Variants in SLC37A1 observed in about 807,000 individuals in gnomAD.
SLC37A1 encodes solute carrier family 37 member 1.
In SLC37A1, 49 loss-of-function variants were observed where a neutral mutation model predicts 75.3. The observed-to-expected ratio is 0.65, with a 90% confidence interval of 0.52 to 0.83. The LOEUF (loss-of-function observed/expected upper bound fraction) is 0.83. Among genes scored for constraint, SLC37A1 ranks in the 40% least tolerant of loss-of-function variants. The pLI, the probability that SLC37A1 is intolerant of heterozygous loss-of-function variation, is 0.00. For missense variants in SLC37A1, 566 were observed against 695.0 expected (o/e 0.81, Z 2.09); for synonymous variants, 268 against 292.1 (o/e 0.92, Z 0.84).
chr21:42,505,993 T>A (rs1028314671), intron 2 of SLC37A1, among the ~76,000 whole-genome samples: 3 of 152,212 alleles, frequency 2.0e-5, no homozygotes, highest in Non-Finnish European at 4.4e-5. Flanking sequence ...TGGTTGAATG[T>A]TCCCCCATGT....
intron 2 of SLC37A1, among the ~76,000 whole-genome samples, chr21:42,523,088 G>A (rs1250415355): frequency 6.6e-6 from 1 of 152,234 alleles, no homozygotes; most frequent in African/African-American, 2.4e-5. Context: ...GGAGAGTGGA[G>A]ATGTGAACCC....
At chr21:42,539,370 A>C in intron 5 of SLC37A1, 142 bp from the exon 6 acceptor site, 2 of 1,029,366 alleles carry the variant, frequency 1.9e-6, no homozygotes, top group South Asian at 3.4e-5. Context: ...AAGTGTATGA[A>C]ATCTTCCTGG....
At chr21:42,529,592 A>G (rs988758192) in intron 3 of SLC37A1, among the ~76,000 whole-genome samples, 1 of 152,240 alleles carries the variant, frequency 6.6e-6, no homozygotes, top group Admixed American at 6.5e-5. Context: ...AAAGACATGA[A>G]TGTAAAATAC....
In SLC37A1 at chr21:42,517,439, A is replaced by G. The variant is rs376008483; in HGVS notation, c.-178-838A>G. Among the ~76,000 whole-genome samples the G allele has an allele frequency of 8.1e-4, 123 of 152,274 alleles. 2 individuals are homozygous for G. In the South Asian group the frequency reaches 0.023, roughly 28 times the overall value. ...CTCCTGGGACGAAAGCTCAGCAGGG[A>G]TTTTGAATCTTTTTGTAAAAGGTGG... On this transcript the variant is annotated intron_variant, in intron 1 of 19. Coordinates refer to ENST00000352133, the MANE Select transcript of SLC37A1 (RefSeq NM_001320537.2).
chr21:42,571,675 G>A (rs2056170037), intron 17 of SLC37A1, among the ~76,000 whole-genome samples: 1 of 151,468 alleles, frequency 6.6e-6, no homozygotes, highest in Admixed American at 6.6e-5. Flanking sequence ...CTTCCACCCC[G>A]ACATTGCCCA....
intron 18 of SLC37A1, 76 bp from the exon 19 acceptor site, chr21:42,579,660 T>G: frequency 6.5e-7 from 1 of 1,542,972 alleles, no homozygotes; most frequent in Non-Finnish European, 8.9e-7. Flanking sequence ...GCGGGCCAGG[T>G]CCTCATGGTG....
intron 3 of SLC37A1, among the ~76,000 whole-genome samples, chr21:42,530,634 ACACACACACACACACACACACC>A (rs772586442): frequency 0.26 from 18,194 of 68,936 alleles, 1,948 homozygotes; most frequent in African/African-American, 0.41. Flanking sequence ...ACACACACAC[ACACACACACACACACACACACC>A]CCCTCTGTGT....
At chr21:42,532,163 T>C (rs567881325) in intron 3 of SLC37A1, among the ~76,000 whole-genome samples, 5 of 152,238 alleles carry the variant, frequency 3.3e-5, no homozygotes, top group Non-Finnish European at 5.9e-5. Context: ...GAAGCCTATA[T>C]CCCTAACCAG....
At chr21:42,562,623 G>A (rs1021215194) in intron 12 of SLC37A1, among the ~76,000 whole-genome samples, 1 of 152,174 alleles carries the variant, frequency 6.6e-6, no homozygotes, top group Non-Finnish European at 1.5e-5. Flanking sequence ...CAGAAGCCCC[G>A]CAGTGGCTGC....
At chr21:42,535,642 G>A (rs182102759) in intron 5 of SLC37A1, 92 bp downstream of exon 5, 81 of 1,122,380 alleles carry the variant, frequency 7.2e-5, no homozygotes, top group East Asian at 4.3e-4. Flanking sequence ...ACAGGCGCGC[G>A]GGATTGAGGC....
At chr21:42,565,192 C>G (rs1273871267) in intron 14 of SLC37A1, among the ~76,000 whole-genome samples, 1 of 152,242 alleles carries the variant, frequency 6.6e-6, no homozygotes, top group African/African-American at 2.4e-5. Flanking sequence ...GGCTGTGACA[C>G]CCCCCTCTAT....
chr21:42,539,529 G>A lies in SLC37A1; in HGVS notation c.368G>A (p.Arg123His), dbSNP rs762431393. 86 of 1,612,524 alleles carry A rather than the reference G, an allele frequency of 5.3e-5. No individual in the cohort carries two copies. Among genetic ancestry groups the A allele is most frequent in the South Asian group, 4.8e-4 (44 of 90,874 alleles). ...GMYLSGIIGE[R>H]LPIRYYLTFG... ...CACCTCAGTGGCATCATTGGGGAGC[G>A]CCTGCCGATTAGGTATTACCTAACT... The change falls in exon 6 of 20, where the codon CGC becomes CAC. Residue 123 changes from arginine to histidine, a missense_variant. Arg to His is a conservative substitution (Grantham distance 29). Coordinates refer to ENST00000352133, the MANE Select transcript of SLC37A1 (RefSeq NM_001320537.2).
intron 1 of SLC37A1, among the ~76,000 whole-genome samples, chr21:42,515,642 TA>T (rs2054509848): frequency 6.6e-6 from 1 of 152,248 alleles, no homozygotes; most frequent in Non-Finnish European, 1.5e-5. Context: ...GAAATAGGTA[TA>T]AAACCATGTG....
chr21:42,525,937 A>T (rs958005081), intron 3 of SLC37A1, 80 bp downstream of exon 3: 1 of 1,033,620 alleles, frequency 9.7e-7, no homozygotes, highest in Non-Finnish European at 1.5e-6. Context: ...GAGGATGGGG[A>T]TGGTAGCAGG....
At chr21:42,537,713 C>A (rs1362210016) in intron 5 of SLC37A1, among the ~76,000 whole-genome samples, 1 of 152,200 alleles carries the variant, frequency 6.6e-6, no homozygotes, top group Non-Finnish European at 1.5e-5. Flanking sequence ...AAACTGGTTT[C>A]TTGTTGCTTA....
chr21:42,508,437 T>C (rs1445918285), intron 2 of SLC37A1, among the ~76,000 whole-genome samples: 1 of 152,180 alleles, frequency 6.6e-6, no homozygotes, highest in Non-Finnish European at 1.5e-5. Context: ...CCTAAGAGTA[T>C]GTCTTTTTGC....
chr21:42,556,227 G>A (rs73375814), intron 10 of SLC37A1, among the ~76,000 whole-genome samples: 4,990 of 152,294 alleles, frequency 0.033, 281 homozygotes, highest in African/African-American at 0.11. Context: ...GGGGACGGTC[G>A]CACTTGCCAT....
At chr21:42,505,051 G>A (rs7281069) in intron 2 of SLC37A1, among the ~76,000 whole-genome samples, 6,396 of 152,124 alleles carry the variant, frequency 0.042, 455 homozygotes, top group African/African-American at 0.15. Flanking sequence ...CCAAGAAGAC[G>A]CCAACAGCCC....
chr21:42,522,668 G>A (rs995375966), intron 2 of SLC37A1, among the ~76,000 whole-genome samples: 4 of 152,234 alleles, frequency 2.6e-5, no homozygotes, highest in Admixed American at 2.6e-4. Context: ...AATAAATACA[G>A]CGTTTTCCTC....
Sources: allele counts gnomAD v4.1 joint callset (sites outside exome capture counted in the v4.1 genomes callset), GRCh38; gene constraint gnomAD v4.1.1; transcripts MANE v1.5; gene names NCBI Gene and HGNC (gene_info 2026-07-23, HGNC 2026-07-21).